SLC71A2: variants seen among roughly 807,000 people sequenced by gnomAD.
SLC71A2 encodes hippocampus abundant transcript-like 1.
the SLC71A2 span, among the ~76,000 whole-genome samples, chr9:94,376,543 C>T: frequency 6.6e-6 from 1 of 150,550 alleles, no homozygotes; most frequent in East Asian, 2.0e-4. Flanking sequence ...AATAAATTGG[C>T]AGGTTGAAGC....
At chr9:94,436,268 G>A in the SLC71A2 span, among the ~76,000 whole-genome samples, 1 of 152,156 alleles carries the variant, frequency 6.6e-6, no homozygotes, top group South Asian at 2.1e-4. Flanking sequence ...TGGACAATGG[G>A]CAAATGATCC....
At chr9:94,435,642 T>C in the SLC71A2 span, among the ~76,000 whole-genome samples, 11 of 120,510 alleles carry the variant, frequency 9.1e-5, no homozygotes, top group Non-Finnish European at 1.7e-4. Context: ...CGAACCTTTT[T>C]CCTTCTTCTT....
At chr9:94,423,219 G>C in the SLC71A2 span, among the ~76,000 whole-genome samples, 1 of 149,526 alleles carries the variant, frequency 6.7e-6, no homozygotes, top group South Asian at 2.1e-4. Context: ...TTACAGATGT[G>C]AGCCAGAATG....
At chr9:94,404,987 T>C in the SLC71A2 span, among the ~76,000 whole-genome samples, 2 of 152,144 alleles carry the variant, frequency 1.3e-5, no homozygotes, top group Admixed American at 6.5e-5. Context: ...TATGTTTAGA[T>C]TTTTGGTCCA....
the SLC71A2 span, among the ~76,000 whole-genome samples, chr9:94,391,716 C>T: frequency 6.8e-6 from 1 of 148,124 alleles, no homozygotes; most frequent in African/African-American, 2.5e-5. Context: ...AGTGAAACTC[C>T]GTCTCTACTA....
At chr9:94,393,941 T>A in the SLC71A2 span, among the ~76,000 whole-genome samples, 1 of 84,762 alleles carries the variant, frequency 1.2e-5, no homozygotes, top group Admixed American at 9.6e-5. Flanking sequence ...CTAGCTGGTA[T>A]AGTCAAGGTT....
the SLC71A2 span, among the ~76,000 whole-genome samples, chr9:94,445,383 AAACG>A: frequency 6.6e-6 from 1 of 152,198 alleles, no homozygotes; most frequent in African/African-American, 2.4e-5. Context: ...AGCATGTCAT[AAACG>A]AAGAGAGAGA....
the SLC71A2 span, among the ~76,000 whole-genome samples, chr9:94,406,640 T>G: frequency 6.6e-6 from 1 of 152,168 alleles, no homozygotes; most frequent in African/African-American, 2.4e-5. Flanking sequence ...CCCAAAACAT[T>G]AGGATTACAG....
chr9:94,401,030 G>A, the SLC71A2 span, among the ~76,000 whole-genome samples: 1 of 150,140 alleles, frequency 6.7e-6, no homozygotes, highest in Admixed American at 6.6e-5. Flanking sequence ...TAACAATCTT[G>A]TTGTTTTAAT....
the SLC71A2 span, among the ~76,000 whole-genome samples, chr9:94,438,074 G>A: frequency 4.6e-5 from 7 of 152,130 alleles, no homozygotes; most frequent in Middle Eastern, 3.4e-3. Flanking sequence ...GATTACAGGC[G>A]TCTGCCACCA....
the SLC71A2 span, among the ~76,000 whole-genome samples, chr9:94,421,323 T>C: frequency 6.6e-6 from 1 of 152,346 alleles, no homozygotes; most frequent in South Asian, 2.1e-4. Context: ...AGTACACTTA[T>C]ATATCCAGTA....
the SLC71A2 span, among the ~76,000 whole-genome samples, chr9:94,437,874 ACTT>A: frequency 1.4e-5 from 2 of 145,098 alleles, no homozygotes; most frequent in African/African-American, 2.6e-5. Flanking sequence ...AAGCTTTTTT[ACTT>A]CTTCCTTCCC....
At chr9:94,455,502 A>G in the SLC71A2 span, among the ~76,000 whole-genome samples, 1 of 149,834 alleles carries the variant, frequency 6.7e-6, no homozygotes, top group Non-Finnish European at 1.5e-5. Flanking sequence ...GTCATGAGCC[A>G]CTGTCCCTAG....
the SLC71A2 span, among the ~76,000 whole-genome samples, chr9:94,378,679 G>A: frequency 6.6e-6 from 1 of 152,092 alleles, no homozygotes; most frequent in Non-Finnish European, 1.5e-5. Context: ...ACTGTGAGAA[G>A]GACACCAAAC....
chr9:94,377,697 C>T, the SLC71A2 span, among the ~76,000 whole-genome samples: 2 of 151,738 alleles, frequency 1.3e-5, no homozygotes. Flanking sequence ...CTTTTTTCTA[C>T]CTTATTTGGC....
chr9:94,414,062 G>C, the SLC71A2 span, among the ~76,000 whole-genome samples: 3 of 152,096 alleles, frequency 2.0e-5, no homozygotes, highest in Non-Finnish European at 4.4e-5. Context: ...AACCAGCTTT[G>C]ATCTAGGGAC....
the SLC71A2 span, chr9:94,456,136 C>T: frequency 4.5e-6 from 3 of 667,478 alleles, no homozygotes; most frequent in Non-Finnish European, 7.5e-6. Flanking sequence ...TAAAATGTAA[C>T]AGGAGAAAAC....
At chr9:94,415,068 C>T in the SLC71A2 span, 1 of 952,296 alleles carries the variant, frequency 1.1e-6, no homozygotes, top group South Asian at 1.5e-5. Flanking sequence ...AATTTTTTTA[C>T]ACATTTTTAC....
the SLC71A2 span, among the ~76,000 whole-genome samples, chr9:94,410,619 TA>T: frequency 6.6e-6 from 1 of 151,768 alleles, no homozygotes; most frequent in East Asian, 1.9e-4. Context: ...AAGTCACCAA[TA>T]AAAAATTGAC....
Sources: gnomAD v4.1 joint callset for allele counts (sites outside exome capture counted in the v4.1 genomes callset) on GRCh38, gnomAD v4.1.1 for gene constraint, MANE v1.5 for transcripts, NCBI Gene and HGNC (gene_info 2026-07-23, HGNC 2026-07-21) for gene names.